Variants in DNAH6 observed in about 807,000 individuals in gnomAD.
The protein encoded by DNAH6 is dynein axonemal heavy chain 6, also known as axonemal beta dynein heavy chain 6.
DNAH6 carries 340 observed loss-of-function variants against 491.4 expected under a neutral mutation model. The observed-to-expected ratio is 0.69, with a 90% CI of 0.63 to 0.76. The LOEUF is 0.76. Ranked by LOEUF, DNAH6 falls within the 30% of genes least tolerant of loss-of-function variation. The pLI is 0.00. For synonymous variants in DNAH6, 1,603 were observed against 1,686.1 expected (o/e 0.95, Z 1.21); for missense variants, 4,443 against 4,972.2 (o/e 0.89, Z 3.20).
chr2:84,579,299 A>G (rs1682782090), intron 13 of DNAH6, among the ~76,000 whole-genome samples: 1 of 152,244 alleles, frequency 6.6e-6, no homozygotes, highest in South Asian at 2.1e-4. Context: ...GCAAAATATT[A>G]GAGCATTTAG....
chr2:84,697,828 T>C, intron 47 of DNAH6, 101 bp downstream of exon 47: 2 of 1,288,136 alleles, frequency 1.6e-6, no homozygotes, highest in East Asian at 2.5e-5. Context: ...ATGAATAAAA[T>C]TTTTTTCAAT....
At chr2:84,814,202 A>C in intron 75 of DNAH6, 80 bp downstream of exon 75, 1 of 1,408,176 alleles carries the variant, frequency 7.1e-7, no homozygotes, top group South Asian at 1.4e-5. Flanking sequence ...TCCATGCCCC[A>C]CTCCCCCACC....
At chr2:84,656,192 A>C (rs1433393283) in intron 35 of DNAH6, among the ~76,000 whole-genome samples, 2 of 152,142 alleles carry the variant, frequency 1.3e-5, no homozygotes, top group East Asian at 3.9e-4. Context: ...CAGTTCATGT[A>C]CCAATTCACC....
At position 84,517,931 on chromosome 2, in the gene DNAH6, A is replaced by T. The variant is rs1374986115; in HGVS notation, c.105A>T (p.Arg35Ser). Residue 35 changes from arginine (R) to serine (S), a missense_variant, in exon 2 of 77, where the codon AGA (arginine) becomes AGT (serine). This residue lies in a region of DNAH6 where 2,977 missense variants were observed against 3,296.6 expected (regional missense o/e 0.90). Coordinates refer to ENST00000389394, the MANE Select transcript of DNAH6 (RefSeq NM_001370.2). The part of the protein sequence containing the change: ...SRLNNIKAKQ[R>S]VSYVTSTENE... ...TGAATAATATAAAAGCCAAACAAAG[A>T]GTGAGTTATGTGACATCCACAGAAA... 13 of 1,549,966 alleles carry T rather than the reference A, an allele frequency of 8.4e-6. No homozygotes were observed. The Admixed American group carries it at 2.6e-4, about 30-fold the overall frequency.
intron 41 of DNAH6, among the ~76,000 whole-genome samples, chr2:84,678,851 G>T (rs1693505133): frequency 6.6e-6 from 1 of 152,202 alleles, no homozygotes; most frequent in Admixed American, 6.5e-5. Flanking sequence ...AGATTCTGGG[G>T]GCTACCAGGT....
intron 55 of DNAH6, 91 bp downstream of exon 55, chr2:84,709,637 TG>T: frequency 7.3e-7 from 1 of 1,371,718 alleles, no homozygotes; most frequent in Non-Finnish European, 1.0e-6. Flanking sequence ...TCAATGTACT[TG>T]GAGATTTAGA....
intron 35 of DNAH6, among the ~76,000 whole-genome samples, chr2:84,655,635 C>G (rs1488588229): frequency 6.6e-6 from 1 of 152,028 alleles, no homozygotes; most frequent in Non-Finnish European, 1.5e-5. Flanking sequence ...CATTGGCTAC[C>G]TTAAGATTTT....
intron 5 of DNAH6, among the ~76,000 whole-genome samples, chr2:84,546,938 T>C (rs749948234): frequency 9.9e-5 from 15 of 152,192 alleles, no homozygotes; most frequent in Non-Finnish European, 1.5e-4. Context: ...GACCGGACAT[T>C]GTAAAGTACT....
intron 39 of DNAH6, among the ~76,000 whole-genome samples, chr2:84,671,483 G>A (rs1573434259): frequency 6.6e-6 from 1 of 152,280 alleles, no homozygotes. Context: ...CCATCCAGCA[G>A]GCCCTGTCAT....
intron 21 of DNAH6, among the ~76,000 whole-genome samples, chr2:84,607,296 T>C (rs1371609765): frequency 6.6e-6 from 1 of 152,208 alleles, no homozygotes; most frequent in Non-Finnish European, 1.5e-5. Context: ...TTAATGCTAT[T>C]ACCATCACCC....
the DNAH6 span, among the ~76,000 whole-genome samples, chr2:84,499,406 G>A: frequency 6.6e-6 from 1 of 152,146 alleles, no homozygotes; most frequent in Non-Finnish European, 1.5e-5. Flanking sequence ...GTACTCCATT[G>A]TGTATGCATA....
Position 84,591,585 on chromosome 2 carries a change from T to A in DNAH6, c.2611-2387T>A, listed in dbSNP as rs1339324047. Among the ~76,000 whole-genome samples, 3 of 152,302 alleles carry A rather than the reference T, an allele frequency of 2.0e-5. No individual in the cohort carries two copies. In the East Asian group the frequency reaches 5.8e-4, roughly 29 times the overall value. ...TCCTTACCAATTTCCCAATGACATT[T>A]TCTAAAGAAATATTAAAAACAAATT... On this transcript the variant is annotated intron_variant, in intron 16 of 76. Transcript: ENST00000389394.
the DNAH6 span, among the ~76,000 whole-genome samples, chr2:84,468,179 A>G: frequency 6.6e-6 from 1 of 152,238 alleles, no homozygotes; most frequent in Non-Finnish European, 1.5e-5. Flanking sequence ...CTTTCAAAAT[A>G]TTTGATTTAA....
chr2:84,494,783 A>G, the DNAH6 span, among the ~76,000 whole-genome samples: 1 of 152,240 alleles, frequency 6.6e-6, no homozygotes. Context: ...TTCCATATCC[A>G]GCAGACTTAC....
the DNAH6 span, among the ~76,000 whole-genome samples, chr2:84,499,546 T>A: frequency 6.6e-6 from 1 of 152,228 alleles, no homozygotes; most frequent in African/African-American, 2.4e-5. Context: ...TCCTTTCTTT[T>A]GGATATATCC....
chr2:84,504,839 T>C, the DNAH6 span, among the ~76,000 whole-genome samples: 2 of 152,352 alleles, frequency 1.3e-5, no homozygotes, highest in Non-Finnish European at 1.5e-5. Context: ...TTTGGGCTAC[T>C]TAAGGCCCCT....
chr2:84,627,404 G>T lies in DNAH6; in HGVS notation c.4515+2341G>T, dbSNP rs372913321. 1.8e-4 allele frequency among the ~76,000 whole-genome samples: 27 copies of T among 152,214 alleles called. No homozygotes were observed. In the East Asian group the frequency reaches 3.9e-3, roughly 22 times the overall value. On this transcript the variant is annotated intron_variant, in intron 29 of 76. Transcript: ENST00000389394. ...CTGTCTTTACTGAGTCATCATACTT[G>T]ATTGATAATTTGTAGAGGGTGGAAT...
At position 84,639,417 on chromosome 2, in the gene DNAH6, A is replaced by ATTT. The variant is rs374331918; in HGVS notation, c.4822-996_4822-994dup. Among the ~76,000 whole-genome samples the ATTT allele has an allele frequency of 1.2e-3, 164 of 133,212 alleles. 3 individuals carry two copies. Among genetic ancestry groups the ATTT allele is most frequent in the South Asian group, 5.2e-3 (21 of 4,076 alleles). 87.4% of individuals were successfully genotyped at this position (133,212 alleles called of 152,430 possible). ...AATGAATTAGATTCTGTTGTCAGTAATTTTTTTTTTTTTTTTTTTGAGAAA... is the reference window on the plus strand; with the variant it reads ...AATGAATTAGATTCTGTTGTCAGTAATTTTTTTTTTTTTTTTTTTTTTGAGAAA... On this transcript the variant is annotated intron_variant, in intron 31 of 76. Transcript: ENST00000389394.
the DNAH6 span, among the ~76,000 whole-genome samples, chr2:84,490,474 C>T: frequency 2.0e-5 from 3 of 152,156 alleles, no homozygotes; most frequent in Admixed American, 6.5e-5. Flanking sequence ...TCAACCCCTC[C>T]TCTTACCTCC....
Sources: gnomAD v4.1 joint callset for allele counts (sites outside exome capture counted in the v4.1 genomes callset) on GRCh38, gnomAD v4.1.1 for gene constraint, gnomAD v4.1.1 regional missense constraint, MANE v1.5 for transcripts, NCBI Gene and HGNC (gene_info 2026-07-23, HGNC 2026-07-21) for gene names.